Variants in DCDC1 observed in about 807,000 individuals in gnomAD.
DCDC1 encodes doublecortin domain containing 1.
A neutral mutation model predicts 178.3 loss-of-function variants in DCDC1; 200 were observed. The observed-to-expected ratio is 1.12, with a 90% CI of 1.00 to 1.26. DCDC1 has a LOEUF of 1.26. DCDC1 is among the 50% of genes most tolerant of loss of function. The pLI is 0.00. For missense variants in DCDC1, 1,983 were observed against 1,749.2 expected (o/e 1.13, Z -2.38); for synonymous variants, 690 against 604.8 (o/e 1.14, Z -2.07).
At chr11:30,908,054 G>C (rs796254187) in intron 29 of DCDC1, among the ~76,000 whole-genome samples, 1 of 152,106 alleles carries the variant, frequency 6.6e-6, no homozygotes, top group Non-Finnish European at 1.5e-5. Context: ...TGAAACAAGA[G>C]GGCAACATTA....
chr11:31,045,132 ATATACT>A (rs139718926), intron 20 of DCDC1, among the ~76,000 whole-genome samples: 2,302 of 152,274 alleles, frequency 0.015, 50 homozygotes, highest in African/African-American at 0.051. Context: ...AGTCTCATAA[ATATACT>A]TATATGTATA....
At chr11:31,330,541 T>C (rs1018865100) in intron 2 of DCDC1, among the ~76,000 whole-genome samples, 4 of 152,234 alleles carry the variant, frequency 2.6e-5, no homozygotes, top group African/African-American at 9.6e-5. Flanking sequence ...GTCTAACATT[T>C]AAGTTTTTAA....
chr11:31,109,826 C>A (rs140236362), intron 12 of DCDC1, among the ~76,000 whole-genome samples: 1 of 152,024 alleles, frequency 6.6e-6, no homozygotes, highest in Non-Finnish European at 1.5e-5. Flanking sequence ...GGTAAGAGTG[C>A]CTAAGATGTA....
At chr11:30,888,141 A>AGG (rs1565030311) in intron 36 of DCDC1, among the ~76,000 whole-genome samples, 1 of 147,568 alleles carries the variant, frequency 6.8e-6, no homozygotes, top group African/African-American at 2.6e-5. Context: ...AAAGAAAGAA[A>AGG]GAAAGAAAGA....
In DCDC1 at chr11:30,920,671, C is replaced by A. The variant is rs564056902; in HGVS notation, c.3293+105G>T. On this transcript the variant is annotated intron_variant, in intron 25 of 38. Transcript: ENST00000684477. Reference sequence around the variant, plus strand: ...AGCTCTTCAGCTGCCATTAGTTTCACAAACTTGGCATGAGCTCCCTGCATG... The same window carrying A: ...AGCTCTTCAGCTGCCATTAGTTTCAAAAACTTGGCATGAGCTCCCTGCATG... 104 of 1,383,368 alleles carry A rather than the reference C, an allele frequency of 7.5e-5. No homozygotes were observed. In the East Asian group the frequency reaches 2.4e-3, roughly 32 times the overall value. The allele number at this position is 1,383,368 out of a possible 1,614,324, so 85.7% of individuals were successfully genotyped here. A position where few individuals can be genotyped will look rare whatever the true frequency, so the allele number is the denominator to read the frequency against.
intron 5 of DCDC1, 132 bp from the exon 6 acceptor site, chr11:31,305,909 C>T (rs960286972): frequency 1.9e-6 from 2 of 1,066,938 alleles, no homozygotes; most frequent in African/African-American, 1.6e-5. Flanking sequence ...TATTTTCTAG[C>T]AGTTGAAAAT....
intron 6 of DCDC1, among the ~76,000 whole-genome samples, chr11:31,303,263 A>G (rs964793419): frequency 6.6e-6 from 1 of 152,166 alleles, no homozygotes; most frequent in African/African-American, 2.4e-5. Context: ...TGAATGAATA[A>G]AAGTCTGTAA....
At chr11:30,916,847 A>T (rs771393759) in intron 26 of DCDC1, 23 bp downstream of exon 26, 25 of 1,582,172 alleles carry the variant, frequency 1.6e-5, no homozygotes, top group South Asian at 4.8e-5. Flanking sequence ...AATCTTTAAG[A>T]GGAATCCTTT....
At chr11:30,991,187 A>T (rs543412402) in intron 20 of DCDC1, among the ~76,000 whole-genome samples, 1 of 152,274 alleles carries the variant, frequency 6.6e-6, no homozygotes, top group South Asian at 2.1e-4. Flanking sequence ...TCAAGAGCAG[A>T]CAGGAGAGAA....
intron 8 of DCDC1, among the ~76,000 whole-genome samples, chr11:31,263,699 T>C (rs930639791): frequency 6.6e-6 from 1 of 152,228 alleles, no homozygotes; most frequent in Non-Finnish European, 1.5e-5. Context: ...TTAAGGATGA[T>C]AAATCAAGGA....
At chr11:31,212,280 C>G (rs879588424) in intron 9 of DCDC1, among the ~76,000 whole-genome samples, 3 of 151,196 alleles carry the variant, frequency 2.0e-5, no homozygotes, top group African/African-American at 7.3e-5. Flanking sequence ...CCTTACAATG[C>G]GAAAATTTTG....
chr11:30,893,339 T>A (rs903292362), intron 35 of DCDC1, among the ~76,000 whole-genome samples: 1 of 152,234 alleles, frequency 6.6e-6, no homozygotes, highest in Non-Finnish European at 1.5e-5. Context: ...TTTCTCTGCA[T>A]CTAACAAATG....
At chr11:31,136,002 T>C (rs1208711978) in intron 10 of DCDC1, among the ~76,000 whole-genome samples, 5 of 152,100 alleles carry the variant, frequency 3.3e-5, no homozygotes, top group East Asian at 1.9e-4. Flanking sequence ...ATAATTACAA[T>C]GTTTAAAAGG....
intron 7 of DCDC1, among the ~76,000 whole-genome samples, chr11:31,283,952 C>T (rs556478062): frequency 1.7e-4 from 25 of 148,860 alleles, no homozygotes; most frequent in Non-Finnish European, 2.8e-4. Flanking sequence ...TCTCTTCTCT[C>T]TCTCTCACTC....
At chr11:31,301,425 G>T (rs528199467) in intron 6 of DCDC1, among the ~76,000 whole-genome samples, 24 of 152,192 alleles carry the variant, frequency 1.6e-4, no homozygotes, top group Non-Finnish European at 2.5e-4. Flanking sequence ...CAGCACTATA[G>T]CGTTCTGTCT....
chr11:31,228,403 T>C (rs979445979), intron 9 of DCDC1, among the ~76,000 whole-genome samples: 1 of 152,082 alleles, frequency 6.6e-6, no homozygotes, highest in Non-Finnish European at 1.5e-5. Context: ...TTGTTAGGCA[T>C]AGCAAAAGCA....
chr11:31,181,138 G>C (rs1229730300), intron 9 of DCDC1, among the ~76,000 whole-genome samples: 1 of 152,180 alleles, frequency 6.6e-6, no homozygotes, highest in East Asian at 1.9e-4. Context: ...GCTCAGCAAA[G>C]CCACGGTGGC....
At chr11:31,003,178 C>A (rs1951666730) in intron 20 of DCDC1, among the ~76,000 whole-genome samples, 1 of 151,734 alleles carries the variant, frequency 6.6e-6, no homozygotes, top group Non-Finnish European at 1.5e-5. Flanking sequence ...TTCCCCATAA[C>A]ACTTTGTAAA....
chr11:31,169,304 T>G (rs1416546001), intron 9 of DCDC1, among the ~76,000 whole-genome samples: 1 of 152,228 alleles, frequency 6.6e-6, no homozygotes, highest in Non-Finnish European at 1.5e-5. Flanking sequence ...GGCACATGTA[T>G]ACCTATGTAA....
Sources: gnomAD v4.1 joint callset for allele counts (sites outside exome capture counted in the v4.1 genomes callset) on GRCh38, gnomAD v4.1.1 for gene constraint, MANE v1.5 for transcripts, NCBI Gene and HGNC (gene_info 2026-07-23, HGNC 2026-07-21) for gene names.